Variants in GET4 observed in about 807,000 individuals in gnomAD.
GET4 encodes the protein guided entry of tail-anchored proteins factor 4.
GET4 carries 20 observed loss-of-function variants against 40.0 expected under a neutral mutation model. The ratio of observed to expected loss-of-function variants is 0.50; its 90% CI spans 0.35 to 0.73. The LOEUF is 0.73. GET4 is among the 30% of genes least tolerant of loss of function. The pLI is 0.01. For missense variants in GET4, 557 were observed against 454.0 expected (o/e 1.23, Z -2.06); for synonymous variants, 280 against 194.6 (o/e 1.44, Z -3.65).
intron 3 of GET4, 23 bp downstream of exon 3, chr7:886,673 C>T (rs745848662): frequency 1.7e-5 from 26 of 1,556,956 alleles, no homozygotes; most frequent in Middle Eastern, 2.1e-4. Flanking sequence ...CCCTTCACCC[C>T]GGGACCCTGT....
intron 4 of GET4, among the ~76,000 whole-genome samples, chr7:890,570 G>A (rs1361445832): frequency 6.6e-6 from 1 of 152,098 alleles, no homozygotes; most frequent in Non-Finnish European, 1.5e-5. Context: ...ACTGGCCTGG[G>A]CCCTGATTAT....
chr7:886,391 T>G (rs929781537), intron 2 of GET4, 178 bp from the exon 3 acceptor site: 4 of 621,968 alleles, frequency 6.4e-6, no homozygotes, highest in Non-Finnish European at 8.6e-6. Context: ...TCCATTTTCA[T>G]GTGATTCTCG....
At chr7:894,405 GGA>G (rs1420373204) in intron 8 of GET4, among the ~76,000 whole-genome samples, 1 of 152,166 alleles carries the variant, frequency 6.6e-6, no homozygotes. Flanking sequence ...TGGCACCGCG[GGA>G]GAGGCCCCTC....
chr7:893,657 T>C (rs1249303862), intron 6 of GET4, 83 bp from the exon 7 acceptor site: 4 of 860,248 alleles, frequency 4.6e-6, no homozygotes, highest in East Asian at 5.1e-5. Flanking sequence ...CAGGTGAGTG[T>C]TGGGCGCAGG....
intron 1 of GET4, chr7:881,099 A>T (rs1164792862): frequency 6.6e-6 from 1 of 152,158 alleles, no homozygotes; most frequent in Non-Finnish European, 1.5e-5. Flanking sequence ...TCCTGACCTC[A>T]GGTGATACGC....
intron 1 of GET4, chr7:884,453 C>A: frequency 1.0e-6 from 1 of 983,388 alleles, no homozygotes; most frequent in Non-Finnish European, 1.4e-6. Context: ...GGAGGCCTGC[C>A]AACGGCCTGC....
At chr7:888,642 G>A (rs1453918857) in intron 4 of GET4, among the ~76,000 whole-genome samples, 3 of 152,220 alleles carry the variant, frequency 2.0e-5, no homozygotes, top group Non-Finnish European at 2.9e-5. Flanking sequence ...CCCCGTGGTC[G>A]CCTCCTTCCT....
rs1399358245 is a variant in GET4, at chr7:895,673, C to T, written c.*251C>T. On this transcript the variant is annotated 3_prime_UTR_variant, in exon 9 of 9. Transcript: ENST00000265857. ...CCCCCGAGATTGACCCACAATAAAG[C>T]ACAGGCCTTACCGCGGCGTCACCCT... 7 of 358,868 alleles carry T rather than the reference C, an allele frequency of 2.0e-5. No homozygotes were observed. The highest frequency in any genetic ancestry group is 3.6e-5 in the Non-Finnish European group (7 of 196,402). 22.2% of individuals were successfully genotyped at this position (358,868 alleles called of 1,614,324 possible).
chr7:886,462 C>T (rs903262484), intron 2 of GET4, 107 bp from the exon 3 acceptor site: 7 of 785,842 alleles, frequency 8.9e-6, no homozygotes, highest in Non-Finnish European at 1.6e-5. Flanking sequence ...AGAGACTCCT[C>T]AGCACCGGCC....
chr7:888,141 G>A (rs550439762), intron 4 of GET4, among the ~76,000 whole-genome samples: 2 of 152,160 alleles, frequency 1.3e-5, no homozygotes, highest in African/African-American at 2.4e-5. Flanking sequence ...AGGCCTGCTC[G>A]GGTCTGCATG....
In GET4 at chr7:878,080, G is replaced by T. The variant is rs570035236; in HGVS notation, c.155+1280G>T. The T allele has an allele frequency of 8.4e-4, 274 of 326,422 alleles. 3 individuals are homozygous for T. The Middle Eastern group carries it at 0.012, about 15-fold the overall frequency. 20.2% of individuals were successfully genotyped at this position (326,422 alleles called of 1,614,324 possible). On this transcript the variant is annotated intron_variant, in intron 1 of 8. Coordinates refer to ENST00000265857, the MANE Select transcript of GET4 (RefSeq NM_015949.3). ...CTGAGGGTGAAACCGCTTCTCTGTT[G>T]ACGCCGCCCGGCCTGCCGAACCGAG...
At chr7:886,414 C>A in intron 2 of GET4, 155 bp from the exon 3 acceptor site, 1 of 650,996 alleles carries the variant, frequency 1.5e-6, no homozygotes, top group Non-Finnish European at 2.8e-6. Flanking sequence ...CAGGAGCTCT[C>A]TTTTTCGGCG....
intron 8 of GET4, among the ~76,000 whole-genome samples, chr7:894,801 T>A (rs1312369171): frequency 1.3e-5 from 2 of 152,152 alleles, no homozygotes; most frequent in Non-Finnish European, 2.9e-5. Flanking sequence ...TTCAGGAGAC[T>A]TTTGGAGCTT....
At chr7:894,709 G>T (rs1292475084) in intron 8 of GET4, among the ~76,000 whole-genome samples, 4 of 152,228 alleles carry the variant, frequency 2.6e-5, no homozygotes, top group Non-Finnish European at 5.9e-5. Context: ...CTGAGATGGG[G>T]TGACGTCGTG....
At chr7:895,266 G>A in intron 8 of GET4, 68 bp from the exon 9 acceptor site, 1 of 746,552 alleles carries the variant, frequency 1.3e-6, no homozygotes, top group Non-Finnish European at 2.3e-6. Context: ...GACGTTTGTG[G>A]GAAGGAGGGG....
chr7:878,203 G>T, intron 1 of GET4: 1 of 465,952 alleles, frequency 2.1e-6, no homozygotes, highest in Non-Finnish European at 4.5e-6. Flanking sequence ...TTAACTGCAC[G>T]CCCCTCGGGA....
intron 3 of GET4, chr7:887,052 C>T (rs907291823): frequency 3.4e-6 from 2 of 587,200 alleles, no homozygotes; most frequent in Non-Finnish European, 6.5e-6. Context: ...CCCTGCTGCT[C>T]TGGGAGATGC....
At chr7:884,191 T>C (rs1562893786) in intron 1 of GET4, 2 of 1,301,440 alleles carry the variant, frequency 1.5e-6, no homozygotes, top group South Asian at 1.2e-5. Flanking sequence ...TGGTGCTTGC[T>C]CAGGGTCGGT....
Position 895,456 on chromosome 7 carries a change from C to G in GET4, c.*34C>G. The stretch of plus-strand genomic sequence containing the variant: ...GGCCACGTGGAGACACCACGGTCGA[C>G]GACGGCTGGAGGGACGTTTCAGAGG... On this transcript the variant is annotated 3_prime_UTR_variant, in exon 9 of 9. Transcript: ENST00000265857. 3 of 1,165,360 alleles carry G rather than the reference C, an allele frequency of 2.6e-6. No individual in the cohort carries two copies. Among genetic ancestry groups the G allele is most frequent in the Non-Finnish European group, 3.8e-6 (3 of 783,616 alleles). 72.2% of individuals were successfully genotyped at this position (1,165,360 alleles called of 1,614,324 possible).
Sources: allele counts gnomAD v4.1 joint callset (sites outside exome capture counted in the v4.1 genomes callset), GRCh38; gene constraint gnomAD v4.1.1; transcripts MANE v1.5; gene names NCBI Gene and HGNC (gene_info 2026-07-23, HGNC 2026-07-21).